The following MRTFB variants were observed in gnomAD, a reference collection of about 807,000 sequenced individuals.
The protein encoded by MRTFB is myocardin-related transcription factor B.
In MRTFB, 29 loss-of-function variants were observed where a neutral mutation model predicts 104.2. The ratio of observed to expected loss-of-function variants is 0.28; its 90% CI spans 0.21 to 0.38. MRTFB has a LOEUF of 0.38. Ranked by LOEUF, MRTFB falls within the 10% of genes least tolerant of loss-of-function variation. The pLI is 1.00. For synonymous variants in MRTFB, 535 were observed against 519.5 expected, an observed-to-expected ratio of 1.03 and a Z score of -0.41; for missense variants, 1,270 against 1,341.6, an observed-to-expected ratio of 0.95 and a Z score of 0.83.
chr16:14,193,405 A>G (rs2040282779), intron 3 of MRTFB, among the ~76,000 whole-genome samples: 1 of 151,776 alleles, frequency 6.6e-6, no homozygotes, highest in Non-Finnish European at 1.5e-5. Context: ...TCTTCTCTCT[A>G]GAATGCCTCC....
chr16:14,226,551 A>G (rs919694059), intron 8 of MRTFB, among the ~76,000 whole-genome samples: 10 of 152,228 alleles, frequency 6.6e-5, no homozygotes, highest in African/African-American at 2.4e-4. Context: ...CAAAGATCTA[A>G]ATATAATAAC....
upstream of MRTFB, among the ~76,000 whole-genome samples, chr16:14,069,861 T>C (rs1181720615): frequency 6.6e-6 from 1 of 152,214 alleles, no homozygotes; most frequent in Non-Finnish European, 1.5e-5. Context: ...AATAAATTAA[T>C]AAATAGACAG....
chr16:14,135,922 T>C (rs1267439936), intron 2 of MRTFB, among the ~76,000 whole-genome samples: 1 of 152,188 alleles, frequency 6.6e-6, no homozygotes, highest in Non-Finnish European at 1.5e-5. Flanking sequence ...CTCCTACTCA[T>C]CCTTGAAGAC....
chr16:14,207,539 C>T (rs945179389), intron 3 of MRTFB, among the ~76,000 whole-genome samples: 2 of 152,156 alleles, frequency 1.3e-5, no homozygotes, highest in Non-Finnish European at 2.9e-5. Flanking sequence ...GATCCTTGGA[C>T]TCTCTGGAGT....
chr16:14,243,327 C>T (rs2042860168), intron 10 of MRTFB, among the ~76,000 whole-genome samples: 1 of 152,214 alleles, frequency 6.6e-6, no homozygotes, highest in Non-Finnish European at 1.5e-5. Context: ...CCAGCATTGG[C>T]TTCAACCACA....
At chr16:14,041,153 G>C in the MRTFB span, among the ~76,000 whole-genome samples, 1 of 151,988 alleles carries the variant, frequency 6.6e-6, no homozygotes, top group Non-Finnish European at 1.5e-5. Context: ...AAGGAGTGGG[G>C]GGCGGGGAGA....
chr16:14,047,104 T>C, the MRTFB span, among the ~76,000 whole-genome samples: 19 of 152,198 alleles, frequency 1.2e-4, no homozygotes, highest in Admixed American at 1.2e-3. Context: ...TAAAGGGATA[T>C]GGATGAAAAA....
At chr16:14,047,607 G>T in the MRTFB span, among the ~76,000 whole-genome samples, 1 of 152,160 alleles carries the variant, frequency 6.6e-6, no homozygotes, top group Admixed American at 6.6e-5. Flanking sequence ...ATGGCAGAAG[G>T]CAAAAGGCAT....
At chr16:14,119,402 A>T (rs1254493150) in intron 2 of MRTFB, among the ~76,000 whole-genome samples, 1 of 152,214 alleles carries the variant, frequency 6.6e-6, no homozygotes, top group Non-Finnish European at 1.5e-5. Context: ...TTATGTATAG[A>T]GAAACCTTTA....
intron 2 of MRTFB, among the ~76,000 whole-genome samples, chr16:14,097,909 A>G (rs897383343): frequency 8.5e-5 from 13 of 152,326 alleles, no homozygotes; most frequent in African/African-American, 2.4e-4. Flanking sequence ...GAGTACATCA[A>G]TAGTTCATTT....
chr16:14,002,762 G>A, the MRTFB span, among the ~76,000 whole-genome samples: 10 of 152,142 alleles, frequency 6.6e-5, no homozygotes, highest in Non-Finnish European at 1.3e-4. Context: ...TGGTAATTAC[G>A]TATGCATTTC....
At chr16:14,121,601 G>A (rs2036847952) in intron 2 of MRTFB, among the ~76,000 whole-genome samples, 1 of 152,146 alleles carries the variant, frequency 6.6e-6, no homozygotes, top group African/African-American at 2.4e-5. Flanking sequence ...TGAAAAGGAA[G>A]TATAAAAAGA....
At chr16:14,129,025 A>C (rs2037305631) in intron 2 of MRTFB, among the ~76,000 whole-genome samples, 1 of 152,238 alleles carries the variant, frequency 6.6e-6, no homozygotes, top group Admixed American at 6.5e-5. Context: ...AAGCCCTTTG[A>C]GTACAACTTC....
intron 15 of MRTFB, among the ~76,000 whole-genome samples, chr16:14,253,523 G>A (rs1290011461): frequency 2.0e-5 from 3 of 152,206 alleles, no homozygotes; most frequent in Non-Finnish European, 4.4e-5. Flanking sequence ...CAAGGGCTCT[G>A]TGCTTTTTCT....
intron 16 of MRTFB, among the ~76,000 whole-genome samples, chr16:14,259,372 G>C (rs1465691472): frequency 6.6e-6 from 1 of 152,150 alleles, no homozygotes; most frequent in African/African-American, 2.4e-5. Context: ...TCTAAAATGA[G>C]ATTTTTTTTA....
chr16:14,034,598 G>C, the MRTFB span, among the ~76,000 whole-genome samples: 5 of 138,834 alleles, frequency 3.6e-5, no homozygotes, highest in African/African-American at 1.4e-4. Flanking sequence ...GGAGCAACAA[G>C]AGTGAAACTC....
the MRTFB span, among the ~76,000 whole-genome samples, chr16:14,049,148 T>C: frequency 0.059 from 8,937 of 152,252 alleles, 282 homozygotes; most frequent in African/African-American, 0.074. Flanking sequence ...CTACAGCTCA[T>C]AGGACAGTCC....
chr16:13,995,480 G>T, the MRTFB span, among the ~76,000 whole-genome samples: 82 of 152,312 alleles, frequency 5.4e-4, no homozygotes, highest in African/African-American at 1.9e-3. Flanking sequence ...GTGACCTCAA[G>T]AACTGGCCCC....
chr16:14,013,300 T>C, the MRTFB span: 1 of 152,188 alleles, frequency 6.6e-6, no homozygotes, highest in African/African-American at 2.4e-5. Flanking sequence ...AATTGATCAA[T>C]TGCAATCAAA....
Sources: gnomAD v4.1 joint callset for allele counts (sites outside exome capture counted in the v4.1 genomes callset) on GRCh38, gnomAD v4.1.1 for gene constraint, MANE v1.5 for transcripts, NCBI Gene and HGNC (gene_info 2026-07-23, HGNC 2026-07-21) for gene names.